CNTN3: variants seen among roughly 807,000 people sequenced by gnomAD.
The protein encoded by CNTN3 is contactin-3.
CNTN3 carries 60 observed loss-of-function variants against 119.1 expected under a neutral mutation model. That is an observed-to-expected ratio of 0.50 (90% CI 0.41 to 0.62). The LOEUF (loss-of-function observed/expected upper bound fraction) is 0.62, where lower values mean the gene tolerates loss of function less well. Ranked by LOEUF, CNTN3 falls within the 20% of genes least tolerant of loss-of-function variation. CNTN3 has a pLI of 0.00. For synonymous variants in CNTN3, 450 were observed against 438.7 expected, an observed-to-expected ratio of 1.03 and a Z score of -0.32; for missense variants, 1,101 against 1,242.4, an observed-to-expected ratio of 0.89 and a Z score of 1.71.
intron 1 of CNTN3, among the ~76,000 whole-genome samples, chr3:74,564,977 A>G (rs1704205751): frequency 6.6e-6 from 1 of 152,168 alleles, no homozygotes; most frequent in Non-Finnish European, 1.5e-5. Flanking sequence ...CAAGTGAGCC[A>G]TGGATCTAGG....
chr3:74,537,091 T>C (rs1254034185), intron 1 of CNTN3, among the ~76,000 whole-genome samples: 1 of 152,040 alleles, frequency 6.6e-6, no homozygotes, highest in Non-Finnish European at 1.5e-5. Flanking sequence ...TACATACTCT[T>C]ATGGAGGAGG....
chr3:74,579,830 G>A (rs925706389), intron 1 of CNTN3, among the ~76,000 whole-genome samples: 3 of 151,960 alleles, frequency 2.0e-5, no homozygotes, highest in South Asian at 4.2e-4. Context: ...ATCAACAATC[G>A]GAGCTCTCGC....
intron 5 of CNTN3, among the ~76,000 whole-genome samples, chr3:74,401,469 C>T (rs1705189099): frequency 6.6e-6 from 1 of 151,994 alleles, no homozygotes; most frequent in Non-Finnish European, 1.5e-5. Flanking sequence ...CACTCATATT[C>T]ACTCTCTCCT....
intron 20 of CNTN3, among the ~76,000 whole-genome samples, chr3:74,268,099 T>C (rs1182948807): frequency 6.6e-6 from 1 of 152,150 alleles, no homozygotes; most frequent in East Asian, 1.9e-4. Flanking sequence ...CGCTAAAAAG[T>C]TAATGAGGAT....
chr3:74,281,876 G>A (rs781695800), intron 20 of CNTN3, among the ~76,000 whole-genome samples: 3 of 152,120 alleles, frequency 2.0e-5, no homozygotes, highest in Admixed American at 6.5e-5. Flanking sequence ...ACATGATTGT[G>A]GTGAATGTTG....
chr3:74,364,550 C>T lies in CNTN3; in HGVS notation c.1130G>A (p.Ser377Asn). 1 of 1,611,762 alleles carries T rather than the reference C, an allele frequency of 6.2e-7. No homozygotes were observed. The highest frequency in any genetic ancestry group is 2.2e-5 in the East Asian group (1 of 44,786). ...ENGALTISNL[S>N]VTDSGMFQCI... ...TTGGAACATGCCAGAATCAGTCACA[C>T]TTAGGTTTGATATTGTAAGGGCACC... Residue 377 changes from serine to asparagine, a missense_variant, in exon 10 of 23, where the codon AGT (serine) becomes AAT (asparagine). By Grantham distance (46) the Ser-to-Asn change is conservative. Transcript: ENST00000263665.
At position 74,546,511 on chromosome 3, in the gene CNTN3, G is replaced by A. The variant is rs114360562; in HGVS notation, c.-80-25319C>T. 7.9e-3 allele frequency among the ~76,000 whole-genome samples: 1,204 copies of A among 152,266 alleles called. 16 individuals are homozygous for A. The highest frequency in any genetic ancestry group is 0.028 in the African/African-American group (1,149 of 41,532). ...GCCAGCACAGCTAGAATAAAAGCGG[G>A]CAGAAGAATGTGGAAAGACTAGACT... On this transcript the variant is annotated intron_variant, in intron 1 of 22. Transcript: ENST00000263665.
chr3:74,372,177 G>A (rs11711010), intron 5 of CNTN3, among the ~76,000 whole-genome samples: 42,935 of 151,902 alleles, frequency 0.28, 7,112 homozygotes, highest in Non-Finnish European at 0.37. Flanking sequence ...TTAAACAAGC[G>A]ATGTTAGTTT....
chr3:74,400,710 AG>A (rs2106848588), intron 5 of CNTN3, among the ~76,000 whole-genome samples: 1 of 152,300 alleles, frequency 6.6e-6, no homozygotes, highest in East Asian at 1.9e-4. Context: ...TGCCATACCA[AG>A]TGATCTGTAC....
chr3:74,335,860 C>G (rs554676), intron 12 of CNTN3, among the ~76,000 whole-genome samples: 89,027 of 151,910 alleles, frequency 0.59, 26,880 homozygotes, highest in Middle Eastern at 0.74. Flanking sequence ...TTTTCCAAAT[C>G]TCTCCTTCTC....
At chr3:74,455,200 T>C (rs760810297) in intron 4 of CNTN3, among the ~76,000 whole-genome samples, 18 of 152,142 alleles carry the variant, frequency 1.2e-4, no homozygotes, top group Non-Finnish European at 2.1e-4. Flanking sequence ...GAGGCTTTGT[T>C]CATTTCTATT....
intron 1 of CNTN3, among the ~76,000 whole-genome samples, chr3:74,569,592 TA>T (rs1435874632): frequency 6.6e-6 from 1 of 152,198 alleles, no homozygotes; most frequent in Non-Finnish European, 1.5e-5. Flanking sequence ...GTATCTTAAA[TA>T]AGATCTTGAT....
rs375411559 is a variant in CNTN3 at position 74,530,171 on chromosome 3, C to T, written c.-80-8979G>A. ...CTGACACTCTCAAGTAGCACACTGA[C>T]CATAAATATAATTATACTACATTTT... On this transcript the variant is annotated intron_variant, in intron 1 of 22. Coordinates refer to ENST00000263665, the MANE Select transcript of CNTN3 (RefSeq NM_020872.3). 1.3e-4 allele frequency among the ~76,000 whole-genome samples: 20 copies of T among 152,066 alleles called. No individual in the cohort carries two copies. In the East Asian group the frequency reaches 2.7e-3, roughly 21 times the overall value.
intron 11 of CNTN3, 34 bp from the exon 12 acceptor site, chr3:74,336,692 T>A: frequency 6.6e-7 from 1 of 1,511,558 alleles, no homozygotes; most frequent in Admixed American, 1.9e-5. Context: ...AATAAATATA[T>A]AATAGCCATT....
intron 16 of CNTN3, 93 bp downstream of exon 16, chr3:74,301,305 G>T: frequency 7.7e-7 from 1 of 1,292,272 alleles, no homozygotes; most frequent in Non-Finnish European, 1.1e-6. Flanking sequence ...GGATTATTGA[G>T]GCTGACCCCC....
chr3:74,417,012 C>T (rs1223237420), intron 5 of CNTN3, among the ~76,000 whole-genome samples: 1 of 151,332 alleles, frequency 6.6e-6, no homozygotes, highest in Non-Finnish European at 1.5e-5. Context: ...GGAAAGAAAG[C>T]AACAGACCTA....
rs370334904 is a variant in CNTN3, at chr3:74,592,975, G to A, written c.-81+21416C>T. Among the ~76,000 whole-genome samples the A allele has an allele frequency of 5.3e-5, 8 of 151,940 alleles. No individual in the cohort carries two copies. In the East Asian group the frequency reaches 1.2e-3, roughly 22 times the overall value. On this transcript the variant is annotated intron_variant, in intron 1 of 22. Coordinates refer to ENST00000263665, the MANE Select transcript of CNTN3 (RefSeq NM_020872.3). ...CTAGTATATTCCAGGCACAACTATA[G>A]TTTTAAAATAAACTTAGCTTTGTAA...
chr3:74,274,454 C>G (rs192051534), intron 20 of CNTN3, among the ~76,000 whole-genome samples: 38 of 152,280 alleles, frequency 2.5e-4, no homozygotes, highest in African/African-American at 8.9e-4. Flanking sequence ...GGCTGAGAAA[C>G]TCATAGATGG....
chr3:74,433,521 C>A (rs1701818190), intron 4 of CNTN3, among the ~76,000 whole-genome samples: 1 of 152,172 alleles, frequency 6.6e-6, no homozygotes, highest in African/African-American at 2.4e-5. Context: ...GCCTCAGGAT[C>A]TGTTGTTTTG....
Sources: allele counts gnomAD v4.1 joint callset (sites outside exome capture counted in the v4.1 genomes callset), GRCh38; gene constraint gnomAD v4.1.1; transcripts MANE v1.5; gene names NCBI Gene and HGNC (gene_info 2026-07-23, HGNC 2026-07-21).